The following MANEA variants were observed in gnomAD, a reference collection of about 807,000 sequenced individuals.
MANEA encodes the protein mannosidase endo-alpha, also known as glycoprotein endo-alpha-1,2-mannosidase.
In MANEA, 25 loss-of-function variants were observed where a neutral mutation model predicts 36.8. The observed-to-expected ratio is 0.68, with a 90% CI of 0.50 to 0.95. The LOEUF is 0.95. Among genes scored for constraint, MANEA ranks in the 40% least tolerant of loss-of-function variants. MANEA has a pLI of 0.00. For missense variants in MANEA, 565 were observed against 558.8 expected (o/e 1.01, Z -0.11); for synonymous variants, 198 against 188.5 (o/e 1.05, Z -0.41).
chr6:95,598,717 A>G (rs983451561), intron 3 of MANEA, among the ~76,000 whole-genome samples: 1 of 152,178 alleles, frequency 6.6e-6, no homozygotes, highest in African/African-American at 2.4e-5. Context: ...GCCATCTTGA[A>G]GAATGGCAAC....
chr6:95,596,196 G>A (rs143690895), intron 2 of MANEA, among the ~76,000 whole-genome samples: 5 of 152,132 alleles, frequency 3.3e-5, no homozygotes, highest in African/African-American at 4.8e-5. Flanking sequence ...GAGAGGGAAC[G>A]GGGATGAATC....
intron 1 of MANEA, among the ~76,000 whole-genome samples, chr6:95,581,544 T>C (rs1486284611): frequency 6.6e-6 from 1 of 152,218 alleles, no homozygotes; most frequent in Non-Finnish European, 1.5e-5. Context: ...TAGTATTTAC[T>C]GTTTGATTAA....
intron 1 of MANEA, among the ~76,000 whole-genome samples, chr6:95,583,019 C>G (rs1769210825): frequency 6.6e-6 from 1 of 152,110 alleles, no homozygotes; most frequent in Non-Finnish European, 1.5e-5. Context: ...ATTTTGATCA[C>G]TAGTTTAAAT....
intron 3 of MANEA, among the ~76,000 whole-genome samples, chr6:95,601,923 A>T (rs930520562): frequency 1.3e-5 from 2 of 152,008 alleles, no homozygotes; most frequent in African/African-American, 2.4e-5. Flanking sequence ...GAGTCATTTT[A>T]TCTGCTTTTC....
intron 1 of MANEA, among the ~76,000 whole-genome samples, chr6:95,580,201 C>T (rs982262592): frequency 1.5e-4 from 23 of 151,518 alleles, no homozygotes; most frequent in Non-Finnish European, 2.4e-4. Context: ...TCTATATATA[C>T]ACACACACAC....
rs1441185967 is a variant in MANEA, at chr6:95,596,793, A to G, written c.601A>G (p.Thr201Ala). 1 of 1,608,766 alleles carries G rather than the reference A, an allele frequency of 6.2e-7. No homozygotes were observed. Among genetic ancestry groups the G allele is most frequent in the Admixed American group, 1.7e-5 (1 of 60,000 alleles). ...TGTAAATGATGAAAATGGAGAACCT[A>G]CTGATAACTTGGTACCCACTATTTT... ...PDVNDENGEP[T>A]DNLVPTILDK... Residue 201 changes from threonine to alanine, a missense_variant, in exon 3 of 5, where the codon ACT becomes GCT. By Grantham distance (58) the Thr-to-Ala change is moderately conservative. Coordinates refer to ENST00000358812, the MANE Select transcript of MANEA (RefSeq NM_024641.4).
At chr6:95,579,082 A>C (rs80344778) in intron 1 of MANEA, among the ~76,000 whole-genome samples, 3 of 152,306 alleles carry the variant, frequency 2.0e-5, no homozygotes, top group Admixed American at 6.5e-5. Context: ...GTTAAAAAAA[A>C]TTCTGCGGCC....
In MANEA at chr6:95,586,391, A is replaced by G. The variant is rs1354453707; in HGVS notation, c.-38-11A>G. 2 of 1,449,980 alleles carry G rather than the reference A, an allele frequency of 1.4e-6. No homozygotes were observed. Among genetic ancestry groups the G allele is most frequent in the South Asian group, 1.3e-5 (1 of 77,006 alleles). The allele number at this position is 1,449,980 out of a possible 1,614,324, so 89.8% of individuals were successfully genotyped here. A position where few individuals can be genotyped will look rare whatever the true frequency, so the allele number is the denominator to read the frequency against. ...AACACTTACTAATTATCTTTTTTCA[A>G]TAAATTGCAGCAAAACACTTACTAT... is the stretch of plus-strand genomic sequence containing the variant. On this transcript the variant is annotated splice_polypyrimidine_tract_variant and intron_variant, in intron 1 of 4. Transcript: ENST00000358812.
chr6:95,591,239 T>A (rs1490824937), intron 2 of MANEA, among the ~76,000 whole-genome samples: 2 of 152,208 alleles, frequency 1.3e-5, no homozygotes, highest in Non-Finnish European at 2.9e-5. Context: ...CTCTTAAAAA[T>A]TTCTTTTATC....
At chr6:95,584,349 G>A (rs1769239267) in intron 1 of MANEA, among the ~76,000 whole-genome samples, 1 of 152,196 alleles carries the variant, frequency 6.6e-6, no homozygotes, top group South Asian at 2.1e-4. Flanking sequence ...TTCCTAGCAA[G>A]GAACATTAAT....
At chr6:95,592,516 A>G (rs1265754142) in intron 2 of MANEA, among the ~76,000 whole-genome samples, 1 of 152,158 alleles carries the variant, frequency 6.6e-6, no homozygotes, top group Non-Finnish European at 1.5e-5. Flanking sequence ...TAAGATAGTG[A>G]AAATTGTGTT....
At position 95,609,341 on chromosome 6, in the gene MANEA, C is replaced by A. The variant is rs1769781891; in HGVS notation, c.*2936C>A. 1 of 151,624 alleles carries A rather than the reference C, an allele frequency of 6.6e-6. No individual in the cohort carries two copies. Among genetic ancestry groups the A allele is most frequent in the Admixed American group, 6.6e-5 (1 of 15,210 alleles). The allele number at this position is 151,624 out of a possible 1,614,324, so 9.4% of individuals were successfully genotyped here. A position where few individuals can be genotyped will look rare whatever the true frequency, so the allele number is the denominator to read the frequency against. ...TGTCAAAAACTGCTGTTATTAACTT[C>A]ACTTGAGTTGTTTAACTTCCTTCTG... is the stretch of plus-strand genomic sequence containing the variant. On this transcript the variant is annotated 3_prime_UTR_variant, in exon 5 of 5. Coordinates refer to ENST00000358812, the MANE Select transcript of MANEA (RefSeq NM_024641.4).
At chr6:95,604,949 TA>T (rs1292211251) in intron 4 of MANEA, 46 bp downstream of exon 4, 1 of 678,188 alleles carries the variant, frequency 1.5e-6, no homozygotes, top group Non-Finnish European at 2.3e-6. Flanking sequence ...TATCCAGTGA[TA>T]ATTATTGTTT....
intron 1 of MANEA, among the ~76,000 whole-genome samples, chr6:95,580,724 C>CAAAA (rs67844240): frequency 8.5e-4 from 51 of 59,824 alleles, no homozygotes; most frequent in African/African-American, 3.2e-3. Context: ...GACGCCGTCT[C>CAAAA]AAAAAAAAAA....
At chr6:95,592,131 G>A (rs1769396360) in intron 2 of MANEA, among the ~76,000 whole-genome samples, 2 of 152,080 alleles carry the variant, frequency 1.3e-5, no homozygotes, top group Admixed American at 1.3e-4. Context: ...TCTCATTATG[G>A]TAATTTGGAT....
intron 2 of MANEA, among the ~76,000 whole-genome samples, chr6:95,594,414 G>C (rs1769448226): frequency 6.6e-6 from 1 of 152,058 alleles, no homozygotes; most frequent in African/African-American, 2.4e-5. Flanking sequence ...ATAGAAGAGT[G>C]GTAGATGAAT....
intron 3 of MANEA, among the ~76,000 whole-genome samples, chr6:95,597,933 A>T (rs1187808994): frequency 6.6e-6 from 1 of 152,176 alleles, no homozygotes; most frequent in African/African-American, 2.4e-5. Flanking sequence ...TTGAGAAAAC[A>T]TATCAGCAAA....
chr6:95,605,637 G>A, intron 4 of MANEA, 111 bp from the exon 5 acceptor site: 1 of 687,088 alleles, frequency 1.5e-6, no homozygotes, highest in Non-Finnish European at 2.5e-6. Flanking sequence ...CCTAAGAAAT[G>A]GAGCAGTGTG....
chr6:95,586,655 T>C lies in MANEA; in HGVS notation c.216T>C (p.Asn72=). The C allele has an allele frequency of 6.2e-7, 1 of 1,613,978 alleles. No homozygotes were observed. ...QKSDRINSET[N]TKNLKSVEIT... ...GTGACAGAATCAACAGTGAAACAAATACCAAGAATTTAAAAAGTGTTGAAA... is the reference window on the plus strand; with the variant it reads ...GTGACAGAATCAACAGTGAAACAAACACCAAGAATTTAAAAAGTGTTGAAA... The change falls in exon 2 of 5, where the codon AAT becomes AAC. Residue 72 remains asparagine (N), a synonymous_variant. Coordinates refer to ENST00000358812, the MANE Select transcript of MANEA (RefSeq NM_024641.4).
Sources: gnomAD v4.1 joint callset for allele counts (sites outside exome capture counted in the v4.1 genomes callset) on GRCh38, gnomAD v4.1.1 for gene constraint, MANE v1.5 for transcripts, NCBI Gene and HGNC (gene_info 2026-07-23, HGNC 2026-07-21) for gene names.